The following SLC9A7 variants were observed in gnomAD, a reference collection of about 807,000 sequenced individuals.
The protein encoded by SLC9A7 is sodium/hydrogen exchanger 7.
In SLC9A7, 19 loss-of-function variants were observed where a neutral mutation model predicts 52.6. That is an observed-to-expected ratio of 0.36 (90% CI 0.25 to 0.53). The LOEUF is 0.53. Ranked by LOEUF, SLC9A7 falls within the 20% of genes least tolerant of loss-of-function variation. SLC9A7 has a pLI of 0.91. For missense variants in SLC9A7, 455 were observed against 597.9 expected, an observed-to-expected ratio of 0.76 and a Z score of 2.49; for synonymous variants, 226 against 252.1, an observed-to-expected ratio of 0.90 and a Z score of 0.98.
intron 10 of SLC9A7, among the ~76,000 whole-genome samples, 195 bp downstream of exon 10, chrX:46,650,915 T>C (rs1943569402): frequency 2.7e-5 from 3 of 111,572 alleles, no homozygotes; most frequent in Non-Finnish European, 5.6e-5. Context: ...GCCTTCTTTT[T>C]TTCATCATAA....
intron 8 of SLC9A7, among the ~76,000 whole-genome samples, chrX:46,653,369 TG>T (rs1452050995): frequency 1.8e-5 from 2 of 111,810 alleles, no homozygotes; most frequent in Non-Finnish European, 3.8e-5. Flanking sequence ...CACTCCAGCC[TG>T]GGTGACACAG....
chrX:46,725,482 C>T (rs1944928663), intron 1 of SLC9A7: 2 of 1,024,766 alleles, frequency 2.0e-6, no homozygotes, highest in South Asian at 1.9e-5. Flanking sequence ...ATTTCCTTTA[C>T]TCCCAGTTTC....
chrX:46,606,945 G>A lies in SLC9A7; in HGVS notation c.*7C>T. 1.7e-6 allele frequency: 2 copies of A among 1,211,502 alleles called. No individual in the cohort carries two copies. Among genetic ancestry groups the A allele is most frequent in the Non-Finnish European group, 2.2e-6 (2 of 895,336 alleles). ...CTACCCCATCGCGCCAGGGCTTGGGGGGAAAGTCAAGCATTATCTTCCAGG... is the reference window on the plus strand; with the variant it reads ...CTACCCCATCGCGCCAGGGCTTGGGAGGAAAGTCAAGCATTATCTTCCAGG... On this transcript the variant is annotated 3_prime_UTR_variant, in exon 17 of 17. Coordinates refer to ENST00000616978, the MANE Select transcript of SLC9A7 (RefSeq NM_001257291.2).
chrX:46,628,939 G>A (rs1159651563), intron 14 of SLC9A7, among the ~76,000 whole-genome samples: 1 of 112,650 alleles, frequency 8.9e-6, no homozygotes, highest in Non-Finnish European at 1.9e-5. Context: ...AGACCAGGAG[G>A]AACTGGAGAA....
At chrX:46,671,236 A>G (rs1325300710) in intron 4 of SLC9A7, among the ~76,000 whole-genome samples, 1 of 111,109 alleles carries the variant, frequency 9.0e-6, no homozygotes, top group East Asian at 2.8e-4. Context: ...TAGTCTCCTC[A>G]TGACTGTGAC....
rs1178271166 is a variant in SLC9A7 at position 46,600,026 on chromosome X, A to C, written c.*6926T>G. The C allele has an allele frequency of 8.9e-6, 1 of 112,392 alleles. No individual in the cohort carries two copies. The highest frequency in any genetic ancestry group is 1.9e-5 in the Non-Finnish European group (1 of 53,331). 9.3% of individuals were successfully genotyped at this position (112,392 alleles called of 1,213,427 possible). A position where few individuals can be genotyped will look rare whatever the true frequency, so the allele number is the denominator to read the frequency against. The stretch of plus-strand genomic sequence containing the variant: ...ACCAGATGTATTTTATGTGAAAAAC[A>C]AAAGGACAACTTAGGAGGAGCTGGC... On this transcript the variant is annotated 3_prime_UTR_variant, in exon 17 of 17. Transcript: ENST00000616978.
intron 14 of SLC9A7, among the ~76,000 whole-genome samples, chrX:46,629,505 T>C (rs936360270): frequency 2.7e-5 from 3 of 112,195 alleles, no homozygotes; most frequent in Non-Finnish European, 5.6e-5. Context: ...ATGTGATACA[T>C]AGTAAGTTCT....
chrX:46,661,959 A>G (rs1160948880), intron 7 of SLC9A7, 57 bp downstream of exon 7: 2 of 1,040,362 alleles, frequency 1.9e-6, no homozygotes, highest in African/African-American at 2.0e-5. Flanking sequence ...TTTCTTTTTG[A>G]AAGTGTAATG....
chrX:46,679,341 T>C (rs1265997510), intron 3 of SLC9A7, among the ~76,000 whole-genome samples: 1 of 112,731 alleles, frequency 8.9e-6, no homozygotes, highest in African/African-American at 3.2e-5. Context: ...AACGATCATG[T>C]GTAGGTTTTT....
At chrX:46,701,065 G>A (rs1944523536) in intron 1 of SLC9A7, among the ~76,000 whole-genome samples, 1 of 111,310 alleles carries the variant, frequency 9.0e-6, no homozygotes, top group African/African-American at 3.3e-5. Flanking sequence ...GGTTCTCCCT[G>A]ATTAAAACTG....
chrX:46,730,707 T>C (rs1261527691), intron 1 of SLC9A7, among the ~76,000 whole-genome samples: 2 of 70,735 alleles, frequency 2.8e-5, no homozygotes, highest in East Asian at 9.7e-4. Flanking sequence ...TATATATATA[T>C]ATAAAATGGA....
intron 1 of SLC9A7, among the ~76,000 whole-genome samples, chrX:46,715,959 A>G (rs1944762307): frequency 1.8e-5 from 2 of 112,175 alleles, no homozygotes; most frequent in South Asian, 3.7e-4. Flanking sequence ...TTATCAGGAC[A>G]TAACTCCATC....
chrX:46,696,047 G>A (rs758339416), intron 1 of SLC9A7, among the ~76,000 whole-genome samples: 5 of 110,067 alleles, frequency 4.5e-5, no homozygotes, highest in African/African-American at 1.0e-4. Flanking sequence ...GTACAGTGGC[G>A]CAATCTCGGC....
chrX:46,633,517 C>T (rs1419028332), intron 13 of SLC9A7, among the ~76,000 whole-genome samples: 2 of 109,778 alleles, frequency 1.8e-5, no homozygotes, highest in Admixed American at 9.7e-5. Flanking sequence ...AAGGATGACA[C>T]GGGACCTTGT....
At position 46,677,168 on chromosome X, in the gene SLC9A7, G is replaced by T. The variant is rs182764958; in HGVS notation, c.603+2510C>A. ...ACTTGATCTCTGAAAGAGGAAGTGA[G>T]TTTGACCCTGACTTGTAGTCTTGAC... On this transcript the variant is annotated intron_variant, in intron 3 of 16. Transcript: ENST00000616978. 2.7e-5 allele frequency among the ~76,000 whole-genome samples: 3 copies of T among 112,117 alleles called. No individual in the cohort carries two copies. The East Asian group carries it at 8.4e-4, about 31-fold the overall frequency.
At chrX:46,608,656 A>AT in intron 16 of SLC9A7, among the ~76,000 whole-genome samples, 1 of 110,952 alleles carries the variant, frequency 9.0e-6, no homozygotes, top group East Asian at 2.8e-4. Context: ...TTTTCTTTTT[A>AT]TTTTTTGAGA....
chrX:46,633,379 A>AAAAAAAAAG (rs1943260727), intron 13 of SLC9A7, among the ~76,000 whole-genome samples: 1 of 95,931 alleles, frequency 1.0e-5, no homozygotes, highest in Non-Finnish European at 2.0e-5. Flanking sequence ...AAAAAAAAAA[A>AAAAAAAAAG]AACAGATCGG....
chrX:46,755,175 TCA>T (rs1556291171), intron 1 of SLC9A7, among the ~76,000 whole-genome samples: 1 of 112,339 alleles, frequency 8.9e-6, no homozygotes, highest in African/African-American at 3.2e-5. Flanking sequence ...CGTTAAGCAT[TCA>T]CAGTGTGTCT....
chrX:46,755,016 G>C (rs1556291064), intron 1 of SLC9A7, among the ~76,000 whole-genome samples: 1 of 112,447 alleles, frequency 8.9e-6, no homozygotes, highest in East Asian at 2.8e-4. Context: ...CCGCTGCCTT[G>C]CAGCTCCAGT....
Sources: gnomAD v4.1 joint callset for allele counts (sites outside exome capture counted in the v4.1 genomes callset) on GRCh38, gnomAD v4.1.1 for gene constraint, MANE v1.5 for transcripts, NCBI Gene and HGNC (gene_info 2026-07-23, HGNC 2026-07-21) for gene names.